The following KPNA1 variants were observed in gnomAD, a reference collection of about 807,000 sequenced individuals.
KPNA1 encodes karyopherin subunit alpha 1.
In KPNA1, 10 loss-of-function variants were observed where a neutral mutation model predicts 70.5. The observed-to-expected ratio is 0.14, with a 90% CI of 0.09 to 0.24. The LOEUF is 0.24. KPNA1 is among the 10% of genes least tolerant of loss of function. The probability of loss-of-function intolerance (pLI) is 1.00; values close to 1 mark genes in which losing one functional copy is unlikely to be tolerated. For missense variants in KPNA1, 397 were observed against 637.9 expected (o/e 0.62, Z 4.07); for synonymous variants, 192 against 221.9 (o/e 0.87, Z 1.20).
intron 4 of KPNA1, 110 bp from the exon 5 acceptor site, chr3:122,461,428 G>A (rs1042645358): frequency 1.5e-6 from 1 of 665,458 alleles, no homozygotes; most frequent in African/African-American, 1.8e-5. Context: ...CTCTCATGCT[G>A]GAAATCTACC....
chr3:122,463,772 T>C (rs931985767), intron 4 of KPNA1, among the ~76,000 whole-genome samples, 170 bp downstream of exon 4: 5 of 152,144 alleles, frequency 3.3e-5, no homozygotes, highest in African/African-American at 7.2e-5. Context: ...CACAAATAAA[T>C]AGGAAACTTA....
chr3:122,452,091 G>A lies in KPNA1; in HGVS notation c.565-27C>T, dbSNP rs192781755. 364 of 1,438,138 alleles carry A rather than the reference G, an allele frequency of 2.5e-4. 2 individuals are homozygous for A. The African/African-American group carries it at 4.6e-3, about 18-fold the overall frequency. The allele number at this position is 1,438,138 out of a possible 1,614,324, so 89.1% of individuals were successfully genotyped here. ...TGTGAAAGAATCATTCATTAATAAA[G>A]GTTACATAGTTTAATTCCCTCATAA... is the stretch of plus-strand genomic sequence containing the variant. On this transcript the variant is annotated intron_variant, in intron 6 of 13. Coordinates refer to ENST00000344337, the MANE Select transcript of KPNA1 (RefSeq NM_002264.4).
At chr3:122,507,757 TAAAA>T (rs769610393) in intron 1 of KPNA1, among the ~76,000 whole-genome samples, 1 of 143,238 alleles carries the variant, frequency 7.0e-6, no homozygotes, top group Admixed American at 7.0e-5. Flanking sequence ...TTTGGGGGGT[TAAAA>T]AAAAAAAAAG....
Position 122,446,843 on chromosome 3 carries a change from C to T in KPNA1, c.917+2731G>A, listed in dbSNP as rs2076145517. 2.0e-5 allele frequency among the ~76,000 whole-genome samples: 3 copies of T among 152,058 alleles called. No individual in the cohort carries two copies. In the South Asian group the frequency reaches 6.2e-4, roughly 32 times the overall value. On this transcript the variant is annotated intron_variant, in intron 9 of 13. Transcript: ENST00000344337. ...TAAAAAATGATAAAGGGGATATCAC[C>T]ACCGATCCCACAGAAATACAAACTA... is the stretch of plus-strand genomic sequence containing the variant.
intron 9 of KPNA1, among the ~76,000 whole-genome samples, chr3:122,449,337 GT>G (rs1427848878): frequency 6.6e-6 from 1 of 152,168 alleles, no homozygotes; most frequent in East Asian, 1.9e-4. Flanking sequence ...ACATATCAGA[GT>G]TTTCCCAATG....
In KPNA1 at chr3:122,451,537, T is replaced by C; in HGVS notation, c.750A>G (p.Ala250=). Residue 250 remains alanine, a synonymous_variant, in exon 8 of 14, where the codon GCA becomes GCG. Transcript: ENST00000344337. Reference sequence around the variant, plus strand: ...GTCCCAAAAGCATAGTCCTTACCTTTGCAAATTCTGGAGGTGGACTTTTCC... The same window carrying C: ...GTCCCAAAAGCATAGTCCTTACCTTCGCAAATTCTGGAGGTGGACTTTTCC... ...CRGKSPPPEF[A]KVSPCLNVLS... The C allele has an allele frequency of 6.2e-7, 1 of 1,603,998 alleles. No individual in the cohort carries two copies. The highest frequency in any genetic ancestry group is 8.5e-7 in the Non-Finnish European group (1 of 1,171,376).
At chr3:122,448,761 AAAAAG>A (rs970464657) in intron 9 of KPNA1, among the ~76,000 whole-genome samples, 23 of 152,170 alleles carry the variant, frequency 1.5e-4, no homozygotes, top group African/African-American at 5.6e-4. Context: ...AAGAAAAAAA[AAAAAG>A]AAATGGCTAA....
At chr3:122,432,075 T>C (rs1465135662) in intron 12 of KPNA1, among the ~76,000 whole-genome samples, 1 of 152,216 alleles carries the variant, frequency 6.6e-6, no homozygotes, top group Non-Finnish European at 1.5e-5. Context: ...GTGGTGGGAT[T>C]ACAGACATGA....
chr3:122,452,734 GGAGGGAAGGAGAGACA>G (rs1288300778), intron 6 of KPNA1, among the ~76,000 whole-genome samples: 26 of 145,078 alleles, frequency 1.8e-4, no homozygotes, highest in African/African-American at 5.8e-4. Context: ...AAGGAGAGAC[GGAGGGAAGGAGAGACA>G]GAGGGAAGGA....
chr3:122,505,020 G>A (rs2076874794), intron 1 of KPNA1, among the ~76,000 whole-genome samples: 1 of 151,850 alleles, frequency 6.6e-6, no homozygotes, highest in Non-Finnish European at 1.5e-5. Flanking sequence ...TCCCCAAGTG[G>A]GCCAGGCACA....
intron 1 of KPNA1, among the ~76,000 whole-genome samples, chr3:122,508,511 T>C (rs2076916520): frequency 6.6e-6 from 1 of 152,142 alleles, no homozygotes; most frequent in South Asian, 2.1e-4. Context: ...GGTGCTCCAA[T>C]GCAGGTGAGG....
rs191008120 is a variant in KPNA1 at position 122,436,221 on chromosome 3, G to A, written c.1122+949C>T. Among the ~76,000 whole-genome samples the A allele has an allele frequency of 3.9e-3, 594 of 152,322 alleles. 4 individuals carry two copies. The highest frequency in any genetic ancestry group is 0.014 in the African/African-American group (569 of 41,560). On this transcript the variant is annotated intron_variant, in intron 11 of 13. Coordinates refer to ENST00000344337, the MANE Select transcript of KPNA1 (RefSeq NM_002264.4). The stretch of plus-strand genomic sequence containing the variant: ...GGAAATTCCCGCCTAGTAAATTTTA[G>A]TCAGACTGGTTGTCTGTTCTCAAAC...
At chr3:122,473,756 A>G (rs903036801) in intron 2 of KPNA1, among the ~76,000 whole-genome samples, 21 of 152,178 alleles carry the variant, frequency 1.4e-4, no homozygotes, top group African/African-American at 4.6e-4. Flanking sequence ...TCATACTTAA[A>G]TGGTATGAAA....
chr3:122,430,974 T>C (rs2075897510), intron 12 of KPNA1, among the ~76,000 whole-genome samples: 1 of 152,176 alleles, frequency 6.6e-6, no homozygotes, highest in African/African-American at 2.4e-5. Flanking sequence ...CTGCATTCTC[T>C]CACTTTTCCT....
chr3:122,480,785 G>A lies in KPNA1; in HGVS notation c.130-13356C>T, dbSNP rs143904684. Among the ~76,000 whole-genome samples the A allele has an allele frequency of 6.7e-3, 1,016 of 152,174 alleles. 5 individuals are homozygous for A. Among genetic ancestry groups the A allele is most frequent in the African/African-American group, 0.023 (972 of 41,494 alleles). On this transcript the variant is annotated intron_variant, in intron 2 of 13. Coordinates refer to ENST00000344337, the MANE Select transcript of KPNA1 (RefSeq NM_002264.4). ...GAGGATCACTTGAGGCCAGGAGTTC[G>A]AGACCAGCCTGGACAATACAGTGAG...
At chr3:122,448,444 G>A (rs2076164620) in intron 9 of KPNA1, among the ~76,000 whole-genome samples, 1 of 152,154 alleles carries the variant, frequency 6.6e-6, no homozygotes, top group Non-Finnish European at 1.5e-5. Context: ...TCCTTTGCAG[G>A]GACGTGGATG....
At chr3:122,499,471 G>A (rs749683543) in intron 1 of KPNA1, among the ~76,000 whole-genome samples, 1 of 151,930 alleles carries the variant, frequency 6.6e-6, no homozygotes, top group Non-Finnish European at 1.5e-5. Context: ...AACAGACAAG[G>A]GACGGGTAGA....
intron 1 of KPNA1, among the ~76,000 whole-genome samples, chr3:122,498,402 A>G (rs1222212499): frequency 3.9e-5 from 6 of 152,190 alleles, no homozygotes; most frequent in Admixed American, 2.6e-4. Context: ...CTCTCACCAG[A>G]CACTGAATCT....
Position 122,461,253 on chromosome 3 carries a change from G to C in KPNA1, c.403C>G (p.Leu135Val). 6.2e-7 allele frequency: 1 copy of C among 1,612,864 alleles called. No homozygotes were observed. The highest frequency in any genetic ancestry group is 8.5e-7 in the Non-Finnish European group (1 of 1,179,192). ...PGVVARFVEF[L>V]KRKENCTLQF... ...AGTGTACAATTCTCTTTTCGTTTGA[G>C]GAACTCCACAAACCTGGCCACTACT... Residue 135 changes from leucine to valine, a missense_variant, in exon 5 of 14, where the codon CTC becomes GTC. Physicochemically the swap from Leu to Val is conservative, Grantham distance 32 (BLOSUM62 1). Transcript: ENST00000344337.
Sources: gnomAD v4.1 joint callset for allele counts (sites outside exome capture counted in the v4.1 genomes callset) on GRCh38, gnomAD v4.1.1 for gene constraint, MANE v1.5 for transcripts, NCBI Gene and HGNC (gene_info 2026-07-23, HGNC 2026-07-21) for gene names.